The following PTAFR variants were observed in gnomAD, a reference collection of about 807,000 sequenced individuals.
The protein encoded by PTAFR is platelet-activating factor receptor.
In PTAFR, 8 loss-of-function variants were observed where a neutral mutation model predicts 14.7. That is an observed-to-expected ratio of 0.54 (90% CI 0.32 to 0.98). The LOEUF (loss-of-function observed/expected upper bound fraction) is 0.98, where lower values mean the gene tolerates loss of function less well. PTAFR is among the 50% of genes least tolerant of loss of function. PTAFR has a pLI of 0.04. For synonymous variants in PTAFR, 156 were observed against 176.5 expected, an observed-to-expected ratio of 0.88 and a Z score of 0.92; for missense variants, 337 against 451.2, an observed-to-expected ratio of 0.75 and a Z score of 2.29.
At chr1:28,152,945 GTGTT>G (rs759740754) in intron 1 of PTAFR, among the ~76,000 whole-genome samples, 3 of 152,126 alleles carry the variant, frequency 2.0e-5, no homozygotes, top group Non-Finnish European at 4.4e-5. Flanking sequence ...ATACTTTTAT[GTGTT>G]TGTTTGAATC....
intron 1 of PTAFR, among the ~76,000 whole-genome samples, chr1:28,173,193 C>T (rs1231080761): frequency 6.8e-6 from 1 of 146,466 alleles, no homozygotes; most frequent in African/African-American, 2.5e-5. Flanking sequence ...GTGGCTAAAG[C>T]TGGAGGATAG....
Position 28,150,041 on chromosome 1 carries a change from T to G in PTAFR, c.981A>C (p.Glu327Asp), listed in dbSNP as rs764390869. The G allele has an allele frequency of 5.0e-6, 8 of 1,614,146 alleles. No individual in the cohort carries two copies. Among genetic ancestry groups the G allele is most frequent in the Middle Eastern group, 1.6e-4 (1 of 6,062 alleles). The change falls in exon 2 of 2, where the codon GAA becomes GAC. Residue 327 changes from glutamate to aspartate, a missense_variant. Physicochemically the swap from Glu to Asp is conservative, Grantham distance 45. Coordinates refer to ENST00000373857, the MANE Select transcript of PTAFR (RefSeq NM_000952.5). The surrounding 1 kb of genome is among the most constrained non-coding windows in gnomAD (Gnocchi z 6.3). ...CSRATTDTVT[E>D]VVVPFNQIPG... ...GGATCTGGTTGAATGGCACAACCAC[T>G]TCAGTGACCGTATCCGTGGTGGCCC...
chr1:28,191,512 C>A (rs764054674), intron 1 of PTAFR, among the ~76,000 whole-genome samples: 4 of 151,742 alleles, frequency 2.6e-5, no homozygotes, highest in Admixed American at 1.3e-4. Context: ...GGTGGGTGGA[C>A]CACTTGAGCT....
In PTAFR at chr1:28,147,261, G is replaced by A. The variant is rs2148990154; in HGVS notation, c.*2732C>T. The A allele has an allele frequency of 6.6e-6, 1 of 152,136 alleles. No individual in the cohort carries two copies. Among genetic ancestry groups the A allele is most frequent in the Admixed American group, 6.5e-5 (1 of 15,276 alleles). 9.4% of individuals were successfully genotyped at this position (152,136 alleles called of 1,614,324 possible). A position where few individuals can be genotyped will look rare whatever the true frequency, so the allele number is the denominator to read the frequency against. On this transcript the variant is annotated 3_prime_UTR_variant, in exon 2 of 2. Coordinates refer to ENST00000373857, the MANE Select transcript of PTAFR (RefSeq NM_000952.5). ...CGGGTACATGAATGACTGAAATTCA[G>A]GAGACGCGGGGAGTTAGCACAGAAG... is the stretch of plus-strand genomic sequence containing the variant.
intron 1 of PTAFR, among the ~76,000 whole-genome samples, chr1:28,152,457 G>A (rs1187365468): frequency 6.6e-6 from 1 of 152,100 alleles, no homozygotes; most frequent in South Asian, 2.1e-4. Context: ...CAAAAAATCA[G>A]CTGGGTGTGG....
At chr1:28,185,985 G>T (rs963245374) in intron 1 of PTAFR, among the ~76,000 whole-genome samples, 1 of 151,716 alleles carries the variant, frequency 6.6e-6, no homozygotes, top group African/African-American at 2.4e-5. Flanking sequence ...CCAAAGATAT[G>T]CAAGATCTTT....
At chr1:28,166,375 G>A (rs1646384850) in intron 1 of PTAFR, among the ~76,000 whole-genome samples, 1 of 151,986 alleles carries the variant, frequency 6.6e-6, no homozygotes, top group South Asian at 2.1e-4. Flanking sequence ...AGAAAACATA[G>A]GATAAAAGCT....
chr1:28,191,233 A>G lies in PTAFR; in HGVS notation c.-39+2489T>C, dbSNP rs537597232. 2.0e-5 allele frequency among the ~76,000 whole-genome samples: 3 copies of G among 152,276 alleles called. No individual in the cohort carries two copies. In the South Asian group the frequency reaches 6.2e-4, roughly 32 times the overall value. Reference sequence around the variant, plus strand: ...AGGCCTGACAGGGAGAACAATCCAGACCAGGAAATTCAAAGGCAGGGAGGT... The same window carrying G: ...AGGCCTGACAGGGAGAACAATCCAGGCCAGGAAATTCAAAGGCAGGGAGGT... On this transcript the variant is annotated intron_variant, in intron 1 of 1. Coordinates refer to the PTAFR transcript ENST00000305392.
At chr1:28,168,223 G>A (rs1298620856) in intron 1 of PTAFR, among the ~76,000 whole-genome samples, 8 of 149,888 alleles carry the variant, frequency 5.3e-5, no homozygotes, top group African/African-American at 2.0e-4. Flanking sequence ...CGCCCTCCTC[G>A]GCCACCCAAA....
At chr1:28,173,309 TG>T (rs1646472992) in intron 1 of PTAFR, among the ~76,000 whole-genome samples, 1 of 9,762 alleles carries the variant, frequency 1.0e-4, no homozygotes, top group African/African-American at 3.7e-4. Context: ...GGGGGGGGGG[TG>T]TGCGGGGGGT....
intron 1 of PTAFR, among the ~76,000 whole-genome samples, chr1:28,172,716 G>A (rs534054963): frequency 6.6e-6 from 1 of 152,270 alleles, no homozygotes; most frequent in East Asian, 1.9e-4. Flanking sequence ...GAAGCAACCG[G>A]GGTTAGCCGG....
chr1:28,155,808 CAG>C (rs2148994405), intron 1 of PTAFR, among the ~76,000 whole-genome samples: 1 of 152,228 alleles, frequency 6.6e-6, no homozygotes, highest in African/African-American at 2.4e-5. Flanking sequence ...GTCAAGGCTG[CAG>C]AGAGCTGTGA....
intron 1 of PTAFR, among the ~76,000 whole-genome samples, chr1:28,154,534 G>A (rs1309426631): frequency 6.6e-6 from 1 of 152,010 alleles, no homozygotes; most frequent in African/African-American, 2.4e-5. Flanking sequence ...TGATTGGGCC[G>A]GCCGTGGTGG....
At chr1:28,183,460 A>G (rs964733791) in intron 1 of PTAFR, among the ~76,000 whole-genome samples, 1 of 152,174 alleles carries the variant, frequency 6.6e-6, no homozygotes, top group Non-Finnish European at 1.5e-5. Context: ...CCACATCTCT[A>G]CAAGAAATAC....
intron 1 of PTAFR, among the ~76,000 whole-genome samples, chr1:28,175,703 T>C (rs1023235780): frequency 4.6e-5 from 7 of 152,058 alleles, no homozygotes; most frequent in African/African-American, 1.2e-4. Context: ...TATAAGAACC[T>C]GGTTATTTTC....
Position 28,149,332 on chromosome 1 carries a change from T to TC in PTAFR, c.*660_*661insG, listed in dbSNP as rs1646151147. ...GAGAGTAGTTGCCCAAAGCTTTTTT[T>TC]TTTTTTTTTTTTTTTTTTTTGAGAT... On this transcript the variant is annotated 3_prime_UTR_variant, in exon 2 of 2. Transcript: ENST00000373857. The TC allele has an allele frequency of 7.2e-6, 1 of 137,956 alleles. No homozygotes were observed. Among genetic ancestry groups the TC allele is most frequent in the Non-Finnish European group, 1.6e-5 (1 of 64,146 alleles). The allele number at this position is 137,956 out of a possible 1,614,324, so 8.5% of individuals were successfully genotyped here. A position where few individuals can be genotyped will look rare whatever the true frequency, so the allele number is the denominator to read the frequency against.
At chr1:28,188,559 T>A (rs1213129230) in intron 1 of PTAFR, among the ~76,000 whole-genome samples, 2 of 152,046 alleles carry the variant, frequency 1.3e-5, no homozygotes, top group East Asian at 3.9e-4. Flanking sequence ...GCCAACGTGG[T>A]GAAACCCCGT....
At chr1:28,170,899 C>T (rs1289990637) in intron 1 of PTAFR, among the ~76,000 whole-genome samples, 1 of 150,570 alleles carries the variant, frequency 6.6e-6, no homozygotes, top group Non-Finnish European at 1.5e-5. Flanking sequence ...ATTCGGGAGG[C>T]TGAGGCAGGA....
At chr1:28,156,482 A>G (rs1646265241) in intron 1 of PTAFR, among the ~76,000 whole-genome samples, 1 of 152,148 alleles carries the variant, frequency 6.6e-6, no homozygotes, top group Non-Finnish European at 1.5e-5. Context: ...TCTCTCCCTA[A>G]ATTGTTTATG....
Sources: allele counts gnomAD v4.1 joint callset (sites outside exome capture counted in the v4.1 genomes callset), GRCh38; gene constraint gnomAD v4.1.1; non-coding constraint Gnocchi (gnomAD v3.1); transcripts MANE v1.5; gene names NCBI Gene and HGNC (gene_info 2026-07-23, HGNC 2026-07-21).